The following PARD3B variants were observed in gnomAD, a reference collection of about 807,000 sequenced individuals.
PARD3B encodes partitioning defective 3 homolog B.
A neutral mutation model predicts 130.2 loss-of-function variants in PARD3B; 103 were observed. The observed-to-expected ratio is 0.79, with a 90% CI of 0.67 to 0.93. The LOEUF is 0.93. Ranked by LOEUF, PARD3B falls within the 40% of genes least tolerant of loss-of-function variation. The probability of loss-of-function intolerance (pLI) is 0.00; values close to 1 mark genes in which losing one functional copy is unlikely to be tolerated. For synonymous variants in PARD3B, 583 were observed against 553.2 expected (o/e 1.05, Z -0.76); for missense variants, 1,609 against 1,499.2 (o/e 1.07, Z -1.21).
At chr2:204,964,011 C>A (rs1339808072) in intron 2 of PARD3B, among the ~76,000 whole-genome samples, 14 of 152,164 alleles carry the variant, frequency 9.2e-5, no homozygotes. Context: ...GATTGGTTAA[C>A]CCTGCATTTC....
rs373049212 is a variant in PARD3B, at chr2:205,022,694, A to G, written c.395-24887A>G. Among the ~76,000 whole-genome samples the G allele has an allele frequency of 6.8e-4, 104 of 152,332 alleles. 1 individual carries two copies. The South Asian group carries it at 0.021, about 30-fold the overall frequency. On this transcript the variant is annotated intron_variant, in intron 3 of 22. Coordinates refer to ENST00000406610, the MANE Select transcript of PARD3B (RefSeq NM_001302769.2). ...TGCAGCTGATCTCAAGAATTAGGTG[A>G]AAGTTTCACTATGTAACCTGTTTTG...
At chr2:205,394,965 T>G (rs1454643006) in intron 18 of PARD3B, among the ~76,000 whole-genome samples, 1 of 152,184 alleles carries the variant, frequency 6.6e-6, no homozygotes, top group Non-Finnish European at 1.5e-5. Context: ...GCCACTGAAA[T>G]GTACACTGAA....
In PARD3B at chr2:205,128,555, T is replaced by A. The variant is rs2031683911; in HGVS notation, c.1434+2818T>A. 6.6e-6 allele frequency among the ~76,000 whole-genome samples: 1 copy of A among 152,230 alleles called. No homozygotes were observed. Among genetic ancestry groups the A allele is most frequent in the African/African-American group, 2.4e-5 (1 of 41,466 alleles). ...GATGTAGAGCCATTCGGAACATCAC[T>A]CAGAGGCTGTTTCCTCATCTGTATT... is the stretch of plus-strand genomic sequence containing the variant. On this transcript the variant is annotated intron_variant, in intron 10 of 22. Coordinates refer to ENST00000406610, the MANE Select transcript of PARD3B (RefSeq NM_001302769.2). The surrounding 1 kb of genome is among the most constrained non-coding windows in gnomAD (Gnocchi z 4.5).
intron 18 of PARD3B, among the ~76,000 whole-genome samples, chr2:205,315,442 G>C (rs990987381): frequency 1.3e-5 from 2 of 152,102 alleles, no homozygotes; most frequent in Non-Finnish European, 2.9e-5. Context: ...GTTACCTAGT[G>C]GTTCTCAAAG....
chr2:205,439,461 T>A (rs1196079347), intron 19 of PARD3B, among the ~76,000 whole-genome samples: 3 of 152,230 alleles, frequency 2.0e-5, no homozygotes, highest in African/African-American at 7.2e-5. Context: ...AGTAAGAGGC[T>A]ATAGTGACCT....
intron 1 of PARD3B, among the ~76,000 whole-genome samples, chr2:204,683,194 ATAAG>A (rs773730994): frequency 6.6e-5 from 10 of 152,226 alleles, no homozygotes; most frequent in Non-Finnish European, 1.5e-4. Flanking sequence ...TCCTAGGAGT[ATAAG>A]TAATAAGACA....
intron 2 of PARD3B, among the ~76,000 whole-genome samples, chr2:204,827,173 AAAGCAAC>A (rs2043615493): frequency 6.6e-6 from 1 of 152,256 alleles, no homozygotes; most frequent in Non-Finnish European, 1.5e-5. Context: ...AAATTTGAAT[AAAGCAAC>A]AATCCATATT....
intron 4 of PARD3B, chr2:205,048,086 C>T (rs1698926046): frequency 6.2e-6 from 1 of 160,960 alleles, no homozygotes; most frequent in African/African-American, 2.4e-5. Flanking sequence ...GCTCCAAAAT[C>T]CTTGCTTCTG....
At position 205,150,255 on chromosome 2, in the gene PARD3B, A is replaced by ATGTGTGTGTG. The variant is rs1559487007; in HGVS notation, c.1435-8467_1435-8466insTGTGTGTGTG. Among the ~76,000 whole-genome samples, 88 of 142,330 alleles carry ATGTGTGTGTG rather than the reference A, an allele frequency of 6.2e-4. 1 individual carries two copies. The highest frequency in any genetic ancestry group is 4.3e-3 in the South Asian group (19 of 4,424). The allele number at this position is 142,330 out of a possible 152,430, so 93.4% of individuals were successfully genotyped here. A position where few individuals can be genotyped will look rare whatever the true frequency, so the allele number is the denominator to read the frequency against. ...TGTGTGTGTGTGTGTGTGTGTGTGC[A>ATGTGTGTGTG]CACACGCTTGAAATCTGTGAGTGGA... is the stretch of plus-strand genomic sequence containing the variant. On this transcript the variant is annotated intron_variant, in intron 10 of 22. Transcript: ENST00000406610.
chr2:205,115,311 G>A (rs1703947116), intron 6 of PARD3B, among the ~76,000 whole-genome samples: 1 of 152,112 alleles, frequency 6.6e-6, no homozygotes, highest in South Asian at 2.1e-4. Context: ...AACTGGATTT[G>A]AATCCCAGTG....
intron 21 of PARD3B, among the ~76,000 whole-genome samples, chr2:205,509,252 G>A (rs2050497755): frequency 6.6e-6 from 1 of 152,006 alleles, no homozygotes; most frequent in South Asian, 2.1e-4. Context: ...TTGTTTGTTA[G>A]GATCCCAAAC....
intron 18 of PARD3B, among the ~76,000 whole-genome samples, chr2:205,384,746 A>G (rs1334675013): frequency 2.0e-5 from 3 of 152,230 alleles, no homozygotes; most frequent in African/African-American, 7.2e-5. Context: ...CTTAGAAATT[A>G]TAAATAGAAA....
chr2:204,886,809 C>G (rs991787144), intron 2 of PARD3B, among the ~76,000 whole-genome samples: 9 of 152,166 alleles, frequency 5.9e-5, no homozygotes, highest in African/African-American at 2.2e-4. Flanking sequence ...TAGAACCAAT[C>G]TGGAGATGAG....
At chr2:205,016,577 A>C (rs1696166746) in intron 3 of PARD3B, among the ~76,000 whole-genome samples, 1 of 152,176 alleles carries the variant, frequency 6.6e-6, no homozygotes, top group South Asian at 2.1e-4. Context: ...ACATAAAGCA[A>C]ATGAAAGTAG....
intron 2 of PARD3B, among the ~76,000 whole-genome samples, chr2:204,963,800 C>G (rs1221186538): frequency 6.6e-6 from 1 of 152,096 alleles, no homozygotes; most frequent in African/African-American, 2.4e-5. Context: ...TGCATGTGCT[C>G]AATTTCAAGA....
chr2:205,465,370 G>A (rs993142979), intron 20 of PARD3B, among the ~76,000 whole-genome samples: 18 of 152,138 alleles, frequency 1.2e-4, no homozygotes, highest in Admixed American at 6.5e-5. Context: ...GAACTGGCGC[G>A]ATATTATCAG....
chr2:205,119,656 C>T (rs1279030007), intron 7 of PARD3B, among the ~76,000 whole-genome samples: 1 of 151,970 alleles, frequency 6.6e-6, no homozygotes, highest in East Asian at 1.9e-4. Flanking sequence ...GTGGTACGCG[C>T]CTGTAATCCC....
chr2:204,798,685 T>C (rs2042460126), intron 2 of PARD3B, among the ~76,000 whole-genome samples: 1 of 152,054 alleles, frequency 6.6e-6, no homozygotes, highest in African/African-American at 2.4e-5. Flanking sequence ...TATTACAACT[T>C]GGATACCAGC....
intron 1 of PARD3B, among the ~76,000 whole-genome samples, chr2:204,629,419 A>G (rs960722593): frequency 6.6e-6 from 1 of 152,056 alleles, no homozygotes; most frequent in African/African-American, 2.4e-5. Flanking sequence ...GATTGGATGC[A>G]TCTCATGAAT....
Sources: gnomAD v4.1 joint callset for allele counts (sites outside exome capture counted in the v4.1 genomes callset) on GRCh38, gnomAD v4.1.1 for gene constraint, Gnocchi (gnomAD v3.1) non-coding constraint, MANE v1.5 for transcripts, NCBI Gene and HGNC (gene_info 2026-07-23, HGNC 2026-07-21) for gene names.